Variants in THOC1 observed in about 807,000 individuals in gnomAD.
The protein encoded by THOC1 is THO complex subunit 1, also known as THO complex 1.
A neutral mutation model predicts 97.3 loss-of-function variants in THOC1; 29 were observed. That is an observed-to-expected ratio of 0.30 (90% CI 0.22 to 0.41). The LOEUF (loss-of-function observed/expected upper bound fraction) is 0.41, where lower values mean the gene tolerates loss of function less well. Among genes scored for constraint, THOC1 ranks in the 10% least tolerant of loss-of-function variants. THOC1 has a pLI of 1.00. For synonymous variants in THOC1, 255 were observed against 257.0 expected, an observed-to-expected ratio of 0.99 and a Z score of 0.07; for missense variants, 529 against 761.9, an observed-to-expected ratio of 0.69 and a Z score of 3.60.
Position 268,040 on chromosome 18 carries a change from G to A in THOC1, c.-21C>T, listed in dbSNP as rs1236963092. 6 of 1,583,134 alleles carry A rather than the reference G, an allele frequency of 3.8e-6. No individual in the cohort carries two copies. The highest frequency in any genetic ancestry group is 1.1e-5 in the South Asian group (1 of 87,484). On this transcript the variant is annotated 5_prime_UTR_variant, in exon 1 of 21. Coordinates refer to ENST00000261600, the MANE Select transcript of THOC1 (RefSeq NM_005131.3). ...GACATCTTCTCGGCTGCGCGTGCCC[G>A]CCACTGCGCTGCGGCGCCTGCCGAT... is the stretch of plus-strand genomic sequence containing the variant.
At position 259,242 on chromosome 18, in the gene THOC1, G is replaced by C. The variant is rs745665555; in HGVS notation, c.458C>G (p.Thr153Arg). The change falls in exon 7 of 21, where the codon ACA becomes AGA. Residue 153 changes from threonine to arginine, a missense_variant. Thr to Arg is a moderately conservative substitution (Grantham distance 71). Around this residue, in one of 8 missense-constraint regions of THOC1, gnomAD observed 49 missense variants for 91.7 expected, o/e 0.53. Transcript: ENST00000261600. ...LLRRLSKSQN[T>R]VFCGRIQLFL... The stretch of plus-strand genomic sequence containing the variant: ...GAGCTGAATCCGTCCACAGAAGACT[G>C]TATTCTGGGATTTAGACAATCTTCT... 8.7e-6 allele frequency: 14 copies of C among 1,612,018 alleles called. No individual in the cohort carries two copies. The highest frequency in any genetic ancestry group is 1.2e-5 in the Non-Finnish European group (14 of 1,178,886).
intron 3 of THOC1, among the ~76,000 whole-genome samples, chr18:264,789 G>A (rs1428142171): frequency 6.6e-6 from 1 of 152,180 alleles, no homozygotes; most frequent in Non-Finnish European, 1.5e-5. Flanking sequence ...ATAAACTGTT[G>A]AAACTTTTCC....
chr18:222,000 TTC>T (rs1432317831), intron 17 of THOC1, among the ~76,000 whole-genome samples: 3 of 152,188 alleles, frequency 2.0e-5, no homozygotes, highest in Non-Finnish European at 1.5e-5. Context: ...GTTTTGTACT[TTC>T]TGTTGTGTTT....
chr18:249,442 G>A lies in THOC1; in HGVS notation c.678-1485C>T, dbSNP rs183867644. Among the ~76,000 whole-genome samples the A allele has an allele frequency of 3.9e-3, 588 of 152,124 alleles. 2 individuals carry two copies. Among genetic ancestry groups the A allele is most frequent in the Middle Eastern group, 6.8e-3 (2 of 292 alleles). ...AACACTTTGGGAGGCTGAGGCGGGCGGATCACGAGGTCAGTTCAAGACCAG... is the reference window on the plus strand; with the variant it reads ...AACACTTTGGGAGGCTGAGGCGGGCAGATCACGAGGTCAGTTCAAGACCAG... On this transcript the variant is annotated intron_variant, in intron 9 of 20. Coordinates refer to ENST00000261600, the MANE Select transcript of THOC1 (RefSeq NM_005131.3).
chr18:228,472 T>C (rs542375604), intron 11 of THOC1, among the ~76,000 whole-genome samples: 1 of 152,152 alleles, frequency 6.6e-6, no homozygotes, highest in South Asian at 2.1e-4. Flanking sequence ...TTATGTGGGC[T>C]AAGAGACATA....
At chr18:219,436 G>A (rs1346097181) in intron 17 of THOC1, among the ~76,000 whole-genome samples, 1 of 110,804 alleles carries the variant, frequency 9.0e-6, no homozygotes, top group African/African-American at 3.6e-5. Flanking sequence ...AAGATTGTGG[G>A]CATGTGTTCC....
intron 11 of THOC1, among the ~76,000 whole-genome samples, chr18:236,653 G>A (rs990622849): frequency 1.5e-4 from 23 of 151,890 alleles, no homozygotes; most frequent in Non-Finnish European, 7.4e-5. Flanking sequence ...GTGAGCCACC[G>A]CGCCCGGCGA....
At position 262,599 on chromosome 18, in the gene THOC1, C is replaced by T. The variant is rs142908539; in HGVS notation, c.256+1427G>A. 5.1e-3 allele frequency among the ~76,000 whole-genome samples: 783 copies of T among 152,290 alleles called. 7 individuals carry two copies. The highest frequency in any genetic ancestry group is 0.018 in the African/African-American group (744 of 41,568). The stretch of plus-strand genomic sequence containing the variant: ...ATAAAGGTAATCAATGAACTCAGGA[C>T]ACACTGAACACTGTTTGACTGAAAC... On this transcript the variant is annotated intron_variant, in intron 4 of 20. Transcript: ENST00000261600.
chr18:262,000 C>G (rs571297257), intron 4 of THOC1, among the ~76,000 whole-genome samples: 2 of 152,322 alleles, frequency 1.3e-5, no homozygotes, highest in East Asian at 3.9e-4. Context: ...ACAGACATCC[C>G]TTTCTAGTTC....
At chr18:221,990 G>T (rs1254047315) in intron 17 of THOC1, among the ~76,000 whole-genome samples, 3 of 152,050 alleles carry the variant, frequency 2.0e-5, no homozygotes, top group Non-Finnish European at 4.4e-5. Context: ...TAACCATACT[G>T]TTTTGTACTT....
chr18:249,481 C>A (rs745509388), intron 9 of THOC1, among the ~76,000 whole-genome samples: 1 of 151,872 alleles, frequency 6.6e-6, no homozygotes, highest in South Asian at 2.1e-4. Context: ...GACCAACATA[C>A]TGAAACCCCA....
intron 11 of THOC1, among the ~76,000 whole-genome samples, chr18:239,303 A>T (rs1004417031): frequency 1.1e-4 from 16 of 152,186 alleles, no homozygotes; most frequent in Admixed American, 6.6e-4. Flanking sequence ...ACTTTTATTT[A>T]TTTTATTTAT....
intron 12 of THOC1, chr18:226,441 TC>T (rs533198709): frequency 1.1e-3 from 206 of 179,302 alleles, no homozygotes; most frequent in Non-Finnish European, 2.3e-3. Context: ...CCTGCAGAGC[TC>T]CACACCTTGT....
At position 265,292 on chromosome 18, in the gene THOC1, A is replaced by G. The variant is rs1308825518; in HGVS notation, c.189+11T>C. On this transcript the variant is annotated intron_variant, in intron 3 of 20. Transcript: ENST00000261600. Reference sequence around the variant, plus strand: ...GTCAGTAAAATTTTAACAATGGAAAAACATACTTACAATTTCTTCTTCTAG... The same window carrying G: ...GTCAGTAAAATTTTAACAATGGAAAGACATACTTACAATTTCTTCTTCTAG... 1.9e-6 allele frequency: 3 copies of G among 1,575,478 alleles called. No individual in the cohort carries two copies. The highest frequency in any genetic ancestry group is 2.0e-5 in the Admixed American group (1 of 50,286).
chr18:215,106 A>G (rs1201522488), intron 20 of THOC1, among the ~76,000 whole-genome samples, 185 bp from the exon 21 acceptor site: 2 of 152,222 alleles, frequency 1.3e-5, no homozygotes, highest in Non-Finnish European at 2.9e-5. Context: ...AATCAAAGCT[A>G]AAGCTGTTAC....
At chr18:218,557 G>C (rs1240594717) in intron 18 of THOC1, among the ~76,000 whole-genome samples, 1 of 152,148 alleles carries the variant, frequency 6.6e-6, no homozygotes, top group East Asian at 1.9e-4. Context: ...ACATTAAGGG[G>C]AACAGGATAG....
chr18:239,490 C>T (rs1911823149), intron 11 of THOC1, among the ~76,000 whole-genome samples: 1 of 151,992 alleles, frequency 6.6e-6, no homozygotes, highest in Non-Finnish European at 1.5e-5. Flanking sequence ...ATTTTTAGTA[C>T]AGACAGAGTT....
chr18:256,954 C>T (rs1312438142), intron 7 of THOC1, among the ~76,000 whole-genome samples: 4 of 152,184 alleles, frequency 2.6e-5, no homozygotes, highest in African/African-American at 9.7e-5. Context: ...CAAGGTAAGA[C>T]CCCCACCAGC....
intron 12 of THOC1, 34 bp downstream of exon 12, chr18:226,767 G>C: frequency 6.6e-7 from 1 of 1,511,922 alleles, no homozygotes; most frequent in South Asian, 1.2e-5. Flanking sequence ...CTTGGCTACT[G>C]TTTACAAATT....
Sources: allele counts gnomAD v4.1 joint callset (sites outside exome capture counted in the v4.1 genomes callset), GRCh38; gene constraint gnomAD v4.1.1; regional missense constraint gnomAD v4.1.1; transcripts MANE v1.5; gene names NCBI Gene and HGNC (gene_info 2026-07-23, HGNC 2026-07-21).